Variants in ARMC2 observed in about 807,000 individuals in gnomAD.
ARMC2 encodes the protein armadillo repeat containing 2, also known as armadillo repeat-containing protein 2.
In ARMC2, 67 loss-of-function variants were observed where a neutral mutation model predicts 90.3. The ratio of observed to expected loss-of-function variants is 0.74; its 90% CI spans 0.61 to 0.91. ARMC2 has a LOEUF of 0.91. Among genes scored for constraint, ARMC2 ranks in the 40% least tolerant of loss-of-function variants. ARMC2 has a pLI of 0.00. For synonymous variants in ARMC2, 393 were observed against 393.0 expected (o/e 1.00, Z 0.00); for missense variants, 920 against 1,030.9 (o/e 0.89, Z 1.47).
the ARMC2 span, among the ~76,000 whole-genome samples, chr6:108,993,741 AT>A: frequency 6.6e-6 from 1 of 151,974 alleles, no homozygotes; most frequent in Non-Finnish European, 1.5e-5. Flanking sequence ...AAATCATATA[AT>A]TTTTGTTGTT....
At chr6:108,968,656 T>G (rs959891189) in intron 17 of ARMC2, among the ~76,000 whole-genome samples, 1 of 152,150 alleles carries the variant, frequency 6.6e-6, no homozygotes, top group Non-Finnish European at 1.5e-5. Flanking sequence ...GAGAGTATAC[T>G]TGCATTTCAA....
Position 108,854,334 on chromosome 6 carries a change from CAGA to C in ARMC2, c.71_73del (p.Lys24del). ...ATTTTATCAACCTTCAGTGTCCAAG[CAGA>C]AGACCAGTGCAGAAATCATAAGTGA... On this transcript the variant is annotated inframe_deletion, in exon 2 of 18. Coordinates refer to ENST00000392644, the MANE Select transcript of ARMC2 (RefSeq NM_032131.6). 4 of 1,612,488 alleles carry C rather than the reference CAGA, an allele frequency of 2.5e-6. No individual in the cohort carries two copies. Among genetic ancestry groups the C allele is most frequent in the Non-Finnish European group, 3.4e-6 (4 of 1,179,546 alleles).
At chr6:108,890,689 C>T (rs1770918768) in intron 5 of ARMC2, among the ~76,000 whole-genome samples, 2 of 152,168 alleles carry the variant, frequency 1.3e-5, no homozygotes, top group Admixed American at 6.5e-5. Flanking sequence ...ATATACCCAC[C>T]ACAACGTAAG....
chr6:109,025,951 CT>C, the ARMC2 span, among the ~76,000 whole-genome samples: 36 of 145,554 alleles, frequency 2.5e-4, no homozygotes, highest in African/African-American at 2.8e-4. Context: ...CACCAATACT[CT>C]TTTTTTTTTT....
chr6:108,994,163 A>AAAAAAAAAAAAAG, the ARMC2 span, among the ~76,000 whole-genome samples: 1 of 147,086 alleles, frequency 6.8e-6, no homozygotes. Flanking sequence ...AAAAAAAAAA[A>AAAAAAAAAAAAAG]GAGAAAAAAG....
At chr6:108,905,987 T>A (rs542991710) in intron 8 of ARMC2, among the ~76,000 whole-genome samples, 5 of 152,264 alleles carry the variant, frequency 3.3e-5, no homozygotes, top group Admixed American at 3.3e-4. Context: ...CTATGTAAAA[T>A]GTTAAAAGAC....
the ARMC2 span, among the ~76,000 whole-genome samples, chr6:109,032,837 T>C: frequency 3.3e-5 from 5 of 152,138 alleles, no homozygotes; most frequent in African/African-American, 1.2e-4. Flanking sequence ...AGCCATTGCT[T>C]GAGGACAATA....
intron 17 of ARMC2, among the ~76,000 whole-genome samples, chr6:108,970,536 C>T (rs1187912990): frequency 8.3e-5 from 11 of 131,846 alleles, no homozygotes; most frequent in African/African-American, 2.2e-4. Context: ...CTCTCACTGT[C>T]GCCCAGGCTG....
Position 108,890,721 on chromosome 6 carries a change from A to C in ARMC2, c.672-3746A>C, listed in dbSNP as rs79436384. 4.2e-3 allele frequency among the ~76,000 whole-genome samples: 636 copies of C among 152,288 alleles called. 3 individuals are homozygous for C. Among genetic ancestry groups the C allele is most frequent in the African/African-American group, 0.014 (597 of 41,562 alleles). On this transcript the variant is annotated intron_variant, in intron 5 of 17. Transcript: ENST00000392644. ...TAAGGATCACGTAGAACAGCACTTA[A>C]TACCAGTCCTGTGCTCTTTTTTTAT...
At chr6:109,031,914 C>A in the ARMC2 span, among the ~76,000 whole-genome samples, 1 of 152,158 alleles carries the variant, frequency 6.6e-6, no homozygotes, top group East Asian at 1.9e-4. Flanking sequence ...GGGATGGAAC[C>A]CAAGTCTAAA....
At chr6:109,052,270 T>C in the ARMC2 span, among the ~76,000 whole-genome samples, 2 of 152,226 alleles carry the variant, frequency 1.3e-5, no homozygotes, top group South Asian at 4.1e-4. Context: ...AGTTTCCCTC[T>C]ATAAATTCCA....
At chr6:109,018,711 G>A in the ARMC2 span, among the ~76,000 whole-genome samples, 4 of 152,076 alleles carry the variant, frequency 2.6e-5, no homozygotes, top group South Asian at 4.2e-4. Flanking sequence ...TTTTGTTCAA[G>A]CTTCTGGATC....
chr6:108,907,487 C>G, intron 8 of ARMC2: 210 of 280,978 alleles, frequency 7.5e-4, no homozygotes, highest in East Asian at 1.4e-3. Context: ...TACCAGTCAT[C>G]TTTTATTTGG....
the ARMC2 span, among the ~76,000 whole-genome samples, chr6:108,991,301 G>A: frequency 1.3e-5 from 2 of 152,012 alleles, no homozygotes; most frequent in African/African-American, 2.4e-5. Flanking sequence ...GAGTACAATG[G>A]TATGATCACA....
rs551389839 is a variant in ARMC2 at position 108,956,000 on chromosome 6, C to T, written c.1915+2649C>T. On this transcript the variant is annotated intron_variant, in intron 13 of 17. Coordinates refer to ENST00000392644, the MANE Select transcript of ARMC2 (RefSeq NM_032131.6). ...TCTTGAAATCTGCCTTTTAATGCCT[C>T]CTTTGCCCCCAGGTGAGCCTTTTGC... Among the ~76,000 whole-genome samples, 10 of 152,332 alleles carry T rather than the reference C, an allele frequency of 6.6e-5. No homozygotes were observed. In the South Asian group the frequency reaches 2.1e-3, roughly 32 times the overall value.
the ARMC2 span, among the ~76,000 whole-genome samples, chr6:109,052,475 T>G: frequency 6.6e-6 from 1 of 152,198 alleles, no homozygotes. Flanking sequence ...CTCTTTCTTA[T>G]GTATATTTTT....
chr6:108,952,226 CA>C (rs2128504287), intron 12 of ARMC2, among the ~76,000 whole-genome samples: 1 of 152,308 alleles, frequency 6.6e-6, no homozygotes, highest in East Asian at 1.9e-4. Flanking sequence ...ACATTGTTGT[CA>C]AACTAAAAAC....
At chr6:108,975,093 G>A (rs549853377), downstream of ARMC2, among the ~76,000 whole-genome samples, 2 of 151,940 alleles carry the variant, frequency 1.3e-5, no homozygotes, top group South Asian at 4.2e-4. Context: ...TGCCGTAGTG[G>A]TTTGTTGCAC....
At chr6:108,987,234 C>T in the ARMC2 span, 2 of 241,642 alleles carry the variant, frequency 8.3e-6, no homozygotes, top group East Asian at 1.6e-4. Context: ...TCTTATTTAA[C>T]ATAAAAGCAA....
Sources: gnomAD v4.1 joint callset for allele counts (sites outside exome capture counted in the v4.1 genomes callset) on GRCh38, gnomAD v4.1.1 for gene constraint, MANE v1.5 for transcripts, NCBI Gene and HGNC (gene_info 2026-07-23, HGNC 2026-07-21) for gene names.